The following CEP170B variants were observed in gnomAD, a reference collection of about 807,000 sequenced individuals.
CEP170B encodes centrosomal protein of 170 kDa protein B.
Under a neutral mutation model 120.6 loss-of-function variants are expected in CEP170B, and 55 were observed. The observed-to-expected ratio is 0.46, with a 90% CI of 0.37 to 0.57. CEP170B has a LOEUF of 0.57. Ranked by LOEUF, CEP170B falls within the 20% of genes least tolerant of loss-of-function variation. The pLI, the probability that CEP170B is intolerant of heterozygous loss-of-function variation, is 0.00. For synonymous variants in CEP170B, 1,033 were observed against 954.5 expected, an observed-to-expected ratio of 1.08 and a Z score of -1.52; for missense variants, 2,212 against 2,253.3, an observed-to-expected ratio of 0.98 and a Z score of 0.37.
At position 104,879,356 on chromosome 14, in the gene CEP170B, C is replaced by T. The variant is rs930273041; in HGVS notation, c.333+855C>T. Reference sequence around the variant, plus strand: ...GGTCTCATGCCCAGGGGATTAAGTTCGCTCCAGGTTAACGGATTTGAGTCC... The same window carrying T: ...GGTCTCATGCCCAGGGGATTAAGTTTGCTCCAGGTTAACGGATTTGAGTCC... On this transcript the variant is annotated intron_variant, in intron 5 of 18. Transcript: ENST00000414716. Among the ~76,000 whole-genome samples the T allele has an allele frequency of 3.3e-5, 5 of 152,186 alleles. No individual in the cohort carries two copies. The East Asian group carries it at 7.7e-4, about 24-fold the overall frequency.
rs766329767 is a variant in CEP170B at position 104,887,077 on chromosome 14, G to A, written c.2838G>A (p.Pro946=). 25 of 1,611,292 alleles carry A rather than the reference G, an allele frequency of 1.6e-5. No homozygotes were observed. Among genetic ancestry groups the A allele is most frequent in the Middle Eastern group, 1.6e-4 (1 of 6,084 alleles). ...AGGGGGGCAGCACCCCGAGGCCGCC[G>A]GAGGACGCCCTGTCTGGGGACTCGG... ...ECEGGSTPRP[P]EDALSGDSDV... is the part of the protein sequence containing the mutation. The change falls in exon 12 of 19, where the codon CCG becomes CCA. Residue 946 remains proline, a synonymous_variant. Coordinates refer to ENST00000414716, the MANE Select transcript of CEP170B (RefSeq NM_001112726.3).
At chr14:104,864,962 C>CG (rs1895113080), upstream of CEP170B, among the ~76,000 whole-genome samples, 1 of 141,702 alleles carries the variant, frequency 7.1e-6, no homozygotes, top group Admixed American at 6.9e-5. This position sits in a 1 kb window ranked among gnomAD's most constrained non-coding sequence, Gnocchi z 5.9. Context: ...GGAGGCGAAG[C>CG]GGGGGGCGCT....
chr14:104,881,362 T>C (rs767258655), intron 6 of CEP170B, among the ~76,000 whole-genome samples: 18 of 152,064 alleles, frequency 1.2e-4, no homozygotes, highest in Non-Finnish European at 2.2e-4. Context: ...GGGATCAGGC[T>C]CTCGGCTCCC....
At chr14:104,883,686 G>A in intron 8 of CEP170B, 145 bp from the exon 9 acceptor site, 1 of 1,055,968 alleles carries the variant, frequency 9.5e-7, no homozygotes, top group Non-Finnish European at 1.3e-6. Flanking sequence ...TCTTCCCGTT[G>A]CACTTCTTTG....
chr14:104,873,779 G>T (rs1466146493), intron 2 of CEP170B, among the ~76,000 whole-genome samples: 1 of 152,166 alleles, frequency 6.6e-6, no homozygotes, highest in African/African-American at 2.4e-5. Flanking sequence ...GACAGGGGCA[G>T]TAGCTCCTTC....
chr14:104,885,231 C>A, intron 9 of CEP170B, 138 bp from the exon 10 acceptor site: 1 of 914,244 alleles, frequency 1.1e-6, no homozygotes, highest in Non-Finnish European at 1.6e-6. Flanking sequence ...GACAGCCAGG[C>A]TGCATGTCCC....
At chr14:104,873,502 T>C (rs1895684129) in intron 2 of CEP170B, among the ~76,000 whole-genome samples, 1 of 151,778 alleles carries the variant, frequency 6.6e-6, no homozygotes, top group Admixed American at 6.5e-5. Flanking sequence ...GACCGAGGGC[T>C]GCCGAGAGGA....
rs751071451 is a variant in CEP170B, at chr14:104,889,632, C to T, written c.3752C>T (p.Pro1251Leu). ...SARYTSTTQT[P>L]RAGSSSRARS... ...CACACCTCAACAGCCACTCAGACCCCGAGGGCTGGCAGCTCCAGCCGGGCT... is the reference window on the plus strand; with the variant it reads ...CACACCTCAACAGCCACTCAGACCCTGAGGGCTGGCAGCTCCAGCCGGGCT... The change falls in exon 13 of 19, where the codon CCG becomes CTG. Residue 1251 changes from proline (P) to leucine (L), a missense_variant. By Grantham distance (98) the Pro-to-Leu change is moderately conservative. This residue lies in a region of CEP170B where 2,166 missense variants were observed against 2,166.7 expected (regional missense o/e 1.00). Transcript: ENST00000414716. 2.2e-5 allele frequency: 35 copies of T among 1,611,412 alleles called. No homozygotes were observed. The Admixed American group carries it at 3.2e-4, about 15-fold the overall frequency.
chr14:104,888,094 G>T, intron 12 of CEP170B, 116 bp downstream of exon 12: 2 of 1,167,490 alleles, frequency 1.7e-6, no homozygotes, highest in Non-Finnish European at 1.2e-6. Context: ...CACGAGAGGA[G>T]CCTCTGTTCC....
chr14:104,872,242 C>CGT (rs1207128640), intron 2 of CEP170B, among the ~76,000 whole-genome samples: 1 of 116,796 alleles, frequency 8.6e-6, no homozygotes, highest in African/African-American at 3.5e-5. Flanking sequence ...TGCGTGTGTG[C>CGT]GTGTGTGTGC....
Position 104,894,362 on chromosome 14 carries a change from T to G in CEP170B, c.4349T>G (p.Leu1450Arg). 2 of 1,613,490 alleles carry G rather than the reference T, an allele frequency of 1.2e-6. No individual in the cohort carries two copies. ...AACGCCGAGAACGAGGTGCCCATCC[T>G]GAAGACATCTAACAAGGTGAGCGCT... The part of the protein sequence containing the change: ...RINAENEVPI[L>R]KTSNKEISSI... The change falls in exon 17 of 19, where the codon CTG becomes CGG. Residue 1450 changes from leucine to arginine, a missense_variant. By Grantham distance (102) the Leu-to-Arg change is moderately radical. This residue lies in a region of CEP170B where 2,166 missense variants were observed against 2,166.7 expected (regional missense o/e 1.00). Coordinates refer to ENST00000414716, the MANE Select transcript of CEP170B (RefSeq NM_001112726.3).
chr14:104,894,617 AG>A, intron 18 of CEP170B, 29 bp downstream of exon 18: 2 of 1,606,462 alleles, frequency 1.2e-6, no homozygotes, highest in Non-Finnish European at 1.7e-6. Context: ...TGGGGCAGCA[AG>A]GGAGGCTGGC....
chr14:104,892,566 C>T (rs1384451449), intron 13 of CEP170B, among the ~76,000 whole-genome samples: 2 of 152,196 alleles, frequency 1.3e-5, no homozygotes, highest in Non-Finnish European at 2.9e-5. Flanking sequence ...GTTTCTCTGC[C>T]TGCAGAGCTG....
intron 5 of CEP170B, among the ~76,000 whole-genome samples, chr14:104,879,810 A>G (rs1178916980): frequency 6.6e-6 from 1 of 152,072 alleles, no homozygotes; most frequent in East Asian, 1.9e-4. Context: ...CCTCGCCCTC[A>G]CTTGTTCATG....
At chr14:104,890,714 ATGAGTGGTGGGTGGATGGATGGATG>A (rs1896799273) in intron 13 of CEP170B, among the ~76,000 whole-genome samples, 1 of 39,748 alleles carries the variant, frequency 2.5e-5, no homozygotes, top group Admixed American at 2.5e-4. Context: ...GGATGGATGG[ATGAGTGGTGGGTGGATGGATGGATG>A]GATGAATGGA....
rs764020410 is a variant in CEP170B at position 104,886,850 on chromosome 14, A to G, written c.2611A>G (p.Lys871Glu). 6.8e-6 allele frequency: 11 copies of G among 1,610,918 alleles called. No homozygotes were observed. The East Asian group carries it at 1.6e-4, about 23-fold the overall frequency. Residue 871 changes from lysine (K) to glutamate (E), a missense_variant, in exon 12 of 19, where the codon AAG becomes GAG. Transcript: ENST00000414716. ...PAFLRQESFTKEPASGPPAPG... is the reference protein window; with the variant it reads ...PAFLRQESFTEEPASGPPAPG... ...CTTTCTCCGGCAAGAGAGCTTCACT[A>G]AGGAGCCAGCCAGTGGTCCCCCAGC...
chr14:104,877,826 G>GCCCCCAGCCCCCCCCCCCCCCCCCCCCCC, intron 3 of CEP170B, 59 bp from the exon 4 acceptor site: 1 of 534,440 alleles, frequency 1.9e-6, no homozygotes, highest in Non-Finnish European at 2.7e-6. Flanking sequence ...CTGCGGCCCT[G>GCCCCCAGCCCCCCCCCCCCCCCCCCCCCC]CCCACAGCCA....
rs562114079 is a variant in CEP170B, at chr14:104,867,346, C to A, written c.-27-1078C>A. ...GCCTGGAGGCTGCCTCCCAGTGAGC[C>A]CCCATCCCCGCCCTGCCTCTGTGTT... On this transcript the variant is annotated intron_variant, in intron 1 of 18. Transcript: ENST00000414716. This position sits in a 1 kb window ranked among gnomAD's most constrained non-coding sequence, Gnocchi z 5.4. Among the ~76,000 whole-genome samples the A allele has an allele frequency of 1.5e-4, 23 of 152,282 alleles. No individual in the cohort carries two copies. The South Asian group carries it at 3.3e-3, about 22-fold the overall frequency.
Position 104,868,368 on chromosome 14 carries a change from C to A in CEP170B, c.-27-56C>A, listed in dbSNP as rs1002317653. 1.4e-5 allele frequency: 18 copies of A among 1,268,178 alleles called. No homozygotes were observed. Among genetic ancestry groups the A allele is most frequent in the East Asian group, 5.0e-5 (2 of 39,624 alleles). The allele number at this position is 1,268,178 out of a possible 1,614,324, so 78.6% of individuals were successfully genotyped here. The stretch of plus-strand genomic sequence containing the variant: ...ATCTGGGCTGGGCCTTGGATGTGTC[C>A]AGGGGGCTAAGAACCAGGCCAGGGA... On this transcript the variant is annotated intron_variant, in intron 1 of 18. Transcript: ENST00000414716. This position sits in a 1 kb window ranked among gnomAD's most constrained non-coding sequence, Gnocchi z 5.9.
Sources: gnomAD v4.1 joint callset for allele counts (sites outside exome capture counted in the v4.1 genomes callset) on GRCh38, gnomAD v4.1.1 for gene constraint, gnomAD v4.1.1 regional missense constraint, Gnocchi (gnomAD v3.1) non-coding constraint, MANE v1.5 for transcripts, NCBI Gene and HGNC (gene_info 2026-07-23, HGNC 2026-07-21) for gene names.